The following CXADR variants were observed in gnomAD, a reference collection of about 807,000 sequenced individuals.
The protein encoded by CXADR is CXADR cell adhesion molecule, also known as coxsackievirus and adenovirus receptor.
A neutral mutation model predicts 40.3 loss-of-function variants in CXADR; 20 were observed. The observed-to-expected ratio is 0.50, with a 90% CI of 0.35 to 0.72. The LOEUF (loss-of-function observed/expected upper bound fraction) is 0.72. Among genes scored for constraint, CXADR ranks in the 30% least tolerant of loss-of-function variants. The probability of loss-of-function intolerance (pLI) is 0.01; values close to 1 mark genes in which losing one functional copy is unlikely to be tolerated. For missense variants in CXADR, 332 were observed against 449.1 expected (o/e 0.74, Z 2.36); for synonymous variants, 150 against 161.3 (o/e 0.93, Z 0.53).
the CXADR span, among the ~76,000 whole-genome samples, chr21:17,630,064 T>C: frequency 6.6e-5 from 10 of 152,172 alleles, 1 homozygote; most frequent in African/African-American, 2.2e-4. Context: ...AGTTGGGACA[T>C]TAAGAGTGAG....
chr21:17,549,962 G>C (rs899791388), intron 2 of CXADR, among the ~76,000 whole-genome samples: 16 of 152,290 alleles, frequency 1.1e-4, no homozygotes, highest in Non-Finnish European at 2.1e-4. Flanking sequence ...GTAATAGCTT[G>C]TGTTTACAGA....
intron 7 of CXADR, among the ~76,000 whole-genome samples, chr21:17,590,210 A>T (rs772150557): frequency 5.8e-5 from 8 of 137,748 alleles, no homozygotes; most frequent in South Asian, 2.5e-4. Context: ...TTTATGGAAG[A>T]AATTTTTGTA....
chr21:17,533,756 G>A (rs111365554), intron 1 of CXADR, among the ~76,000 whole-genome samples: 6 of 151,872 alleles, frequency 4.0e-5, no homozygotes, highest in African/African-American at 4.8e-5. Flanking sequence ...TTTCCTGGGG[G>A]CCTGCTTTTT....
At chr21:17,571,538 A>T (rs2061277490), downstream of CXADR, among the ~76,000 whole-genome samples, 1 of 152,212 alleles carries the variant, frequency 6.6e-6, no homozygotes, top group Admixed American at 6.5e-5. Flanking sequence ...GTATGAAGTA[A>T]CTTATTATTC....
the CXADR span, chr21:17,598,931 T>C: frequency 9.5e-4 from 805 of 845,352 alleles, 7 homozygotes; most frequent in South Asian, 0.012. Context: ...AAGGCAAAGA[T>C]TGAATCATCA....
At chr21:17,579,842 T>C (rs1366920681) in intron 7 of CXADR, among the ~76,000 whole-genome samples, 3 of 152,204 alleles carry the variant, frequency 2.0e-5, no homozygotes, top group East Asian at 3.9e-4. Flanking sequence ...AAAAGTGTGT[T>C]TGTATGAAGA....
chr21:17,564,683 A>T (rs1271535273), intron 6 of CXADR, among the ~76,000 whole-genome samples: 2 of 152,096 alleles, frequency 1.3e-5, no homozygotes, highest in Admixed American at 1.3e-4. Context: ...AGATAACTTT[A>T]ATATAAAAAG....
chr21:17,524,349 G>A (rs900805269), intron 1 of CXADR, among the ~76,000 whole-genome samples: 1 of 151,502 alleles, frequency 6.6e-6, no homozygotes, highest in African/African-American at 2.4e-5. Context: ...ATCACCTGAG[G>A]TCAGGCATTC....
intron 2 of CXADR, among the ~76,000 whole-genome samples, chr21:17,548,908 GA>G (rs2060932655): frequency 6.6e-6 from 1 of 152,212 alleles, no homozygotes; most frequent in Non-Finnish European, 1.5e-5. Context: ...CAGACCAAAA[GA>G]AAGAAGGGTT....
At chr21:17,606,417 T>C in the CXADR span, among the ~76,000 whole-genome samples, 4 of 152,264 alleles carry the variant, frequency 2.6e-5, no homozygotes, top group East Asian at 7.7e-4. Context: ...AAAATTATTT[T>C]CTAGTATGTA....
chr21:17,536,973 G>T (rs917489019), intron 1 of CXADR, among the ~76,000 whole-genome samples: 1 of 152,040 alleles, frequency 6.6e-6, no homozygotes, highest in Non-Finnish European at 1.5e-5. Context: ...GGCCAGGCTG[G>T]TCTCAAACTC....
intron 3 of CXADR, among the ~76,000 whole-genome samples, chr21:17,553,614 C>CTTTTTTTTTTTTTTTTT (rs10710377): frequency 2.3e-5 from 3 of 128,274 alleles, no homozygotes; most frequent in Non-Finnish European, 1.7e-5. Flanking sequence ...GGTCCGAATT[C>CTTTTTTTTTTTTTTTTT]TTTTTTTTTT....
chr21:17,572,033 T>A (rs2061281260), downstream of CXADR, among the ~76,000 whole-genome samples: 1 of 152,060 alleles, frequency 6.6e-6, no homozygotes, highest in African/African-American at 2.4e-5. Context: ...ATATGCATCA[T>A]ATACTCTGCA....
rs2061251658 is a variant in CXADR, at chr21:17,569,039, TA to T, written c.*3350del. 1.0e-6 allele frequency: 1 copy of T among 985,246 alleles called. No individual in the cohort carries two copies. The highest frequency in any genetic ancestry group is 1.2e-6 in the Non-Finnish European group (1 of 829,914). The allele number at this position is 985,246 out of a possible 1,614,324, so 61.0% of individuals were successfully genotyped here. A position where few individuals can be genotyped will look rare whatever the true frequency, so the allele number is the denominator to read the frequency against. On this transcript the variant is annotated 3_prime_UTR_variant, in exon 7 of 7. Transcript: ENST00000284878. ...GTTAATCTTGGAAATTTGGAACAAG[TA>T]AAGGGGCAAGTAAACCTTTTGATGA...
At chr21:17,627,579 A>G in the CXADR span, among the ~76,000 whole-genome samples, 65 of 152,342 alleles carry the variant, frequency 4.3e-4, no homozygotes, top group African/African-American at 1.5e-3. Context: ...GCTTGAGCCC[A>G]AGAGTCAAGA....
chr21:17,568,415 A>G lies in CXADR; in HGVS notation c.*2723A>G, dbSNP rs1642134724. 1.0e-6 allele frequency: 1 copy of G among 984,796 alleles called. No individual in the cohort carries two copies. The highest frequency in any genetic ancestry group is 1.8e-5 in the African/African-American group (1 of 57,070). 61.0% of individuals were successfully genotyped at this position (984,796 alleles called of 1,614,324 possible). ...AGTGCTGGGATTACAGGCGTGAACC[A>G]CTGCACCCGGCCCAGTACTGCATCT... On this transcript the variant is annotated 3_prime_UTR_variant, in exon 7 of 7. Transcript: ENST00000284878.
intron 7 of CXADR, among the ~76,000 whole-genome samples, chr21:17,591,985 T>C (rs2061440683): frequency 6.6e-6 from 1 of 151,974 alleles, no homozygotes; most frequent in Admixed American, 6.6e-5. Flanking sequence ...TAAATAAGTT[T>C]CAGGACAAGG....
chr21:17,525,079 T>C (rs187598856), intron 1 of CXADR, among the ~76,000 whole-genome samples: 1 of 152,298 alleles, frequency 6.6e-6, no homozygotes, highest in East Asian at 1.9e-4. Flanking sequence ...ACAATATTTT[T>C]AGGGTAAGTG....
downstream of CXADR, among the ~76,000 whole-genome samples, chr21:17,574,587 G>T (rs1164427477): frequency 2.6e-5 from 4 of 152,176 alleles, no homozygotes; most frequent in Non-Finnish European, 5.9e-5. Flanking sequence ...TAGGAGGCAG[G>T]TGAATTACCA....
Sources: gnomAD v4.1 joint callset for allele counts (sites outside exome capture counted in the v4.1 genomes callset) on GRCh38, gnomAD v4.1.1 for gene constraint, MANE v1.5 for transcripts, NCBI Gene and HGNC (gene_info 2026-07-23, HGNC 2026-07-21) for gene names.